Variants in PUDP observed in about 807,000 individuals in gnomAD.
The protein encoded by PUDP is pseudouridine-5'-phosphatase.
PUDP carries 8 observed loss-of-function variants against 9.4 expected under a neutral mutation model. That is an observed-to-expected ratio of 0.85 (90% confidence interval 0.50 to 1.53). The LOEUF is 1.53. Among genes scored for constraint, PUDP ranks in the 40% most tolerant of loss-of-function variants. The probability of loss-of-function intolerance (pLI) is 0.00; values close to 1 mark genes in which losing one functional copy is unlikely to be tolerated. For missense variants in PUDP, 188 were observed against 189.7 expected (o/e 0.99, Z 0.05); for synonymous variants, 99 against 80.7 (o/e 1.23, Z -1.22).
chrX:6,769,959 C>T (rs1925338553), intron 3 of PUDP, among the ~76,000 whole-genome samples: 2 of 112,360 alleles, frequency 1.8e-5, no homozygotes, highest in African/African-American at 6.5e-5. Flanking sequence ...TCTGCAAAGC[C>T]CTACAGTCTG....
chrX:7,072,066 C>T (rs976136728), intron 3 of PUDP, among the ~76,000 whole-genome samples: 5 of 111,974 alleles, frequency 4.5e-5, no homozygotes, highest in African/African-American at 1.6e-4. Flanking sequence ...GCTGGGATTA[C>T]AGGCATGAAC....
chrX:6,761,955 T>C (rs1346692945), intron 3 of PUDP, among the ~76,000 whole-genome samples: 3 of 111,759 alleles, frequency 2.7e-5, no homozygotes, highest in Non-Finnish European at 5.6e-5. Context: ...TGTGGGAGGC[T>C]GAGAAGGGTG....
intron 3 of PUDP, among the ~76,000 whole-genome samples, chrX:6,874,958 T>C (rs1014778977): frequency 1.8e-5 from 2 of 112,537 alleles, no homozygotes; most frequent in Non-Finnish European, 1.9e-5. Context: ...AAGAAATGTA[T>C]GTGGTTTTAA....
At chrX:6,971,868 G>C (rs1258464111) in intron 3 of PUDP, among the ~76,000 whole-genome samples, 1 of 111,813 alleles carries the variant, frequency 8.9e-6, no homozygotes, top group African/African-American at 3.3e-5. Context: ...TTTTCCATTT[G>C]TTTGTGTCCT....
intron 3 of PUDP, among the ~76,000 whole-genome samples, chrX:6,976,581 T>C (rs1388157039): frequency 8.9e-6 from 1 of 111,868 alleles, no homozygotes; most frequent in Non-Finnish European, 1.9e-5. Flanking sequence ...CAATTGGAAA[T>C]GCAGAAATCA....
intron 1 of PUDP, among the ~76,000 whole-genome samples, chrX:7,108,103 G>A (rs1386627645): frequency 8.9e-6 from 1 of 112,661 alleles, no homozygotes; most frequent in East Asian, 2.8e-4. Flanking sequence ...AATGAACCAA[G>A]GGCAGAGTGC....
At chrX:6,990,832 G>T (rs1412878542) in intron 1 of PUDP, among the ~76,000 whole-genome samples, 1 of 112,752 alleles carries the variant, frequency 8.9e-6, no homozygotes, top group Admixed American at 9.4e-5. Flanking sequence ...TGGAGAGAGG[G>T]TGTGTGAGGT....
chrX:6,798,794 A>AT (rs35551768), intron 3 of PUDP, among the ~76,000 whole-genome samples: 2 of 109,958 alleles, frequency 1.8e-5, no homozygotes, highest in East Asian at 5.7e-4. Context: ...TCCAAATGAT[A>AT]TTTTTTTTAA....
chrX:6,938,825 G>A (rs1446796078), intron 3 of PUDP, among the ~76,000 whole-genome samples: 1 of 96,469 alleles, frequency 1.0e-5, no homozygotes, highest in African/African-American at 4.0e-5. Context: ...CCTGGCAGAA[G>A]CTAAGAGGTA....
intron 3 of PUDP, among the ~76,000 whole-genome samples, chrX:6,963,984 C>T (rs1602692822): frequency 8.9e-6 from 1 of 111,969 alleles, no homozygotes; most frequent in South Asian, 3.7e-4. Flanking sequence ...AAGAAGAATG[C>T]GATTGTTCAA....
chrX:7,059,998 A>G (rs1474888469), intron 3 of PUDP, among the ~76,000 whole-genome samples: 3 of 111,959 alleles, frequency 2.7e-5, no homozygotes, highest in Non-Finnish European at 3.8e-5. Context: ...TGATTAAATG[A>G]GCTGGTGGAT....
At chrX:6,901,067 C>T (rs745667483) in intron 3 of PUDP, among the ~76,000 whole-genome samples, 4 of 111,513 alleles carry the variant, frequency 3.6e-5, no homozygotes, top group African/African-American at 6.5e-5. Flanking sequence ...TGAGCCACTG[C>T]GCCCGGCCGA....
intron 3 of PUDP, among the ~76,000 whole-genome samples, chrX:6,764,276 G>A (rs766455451): frequency 3.7e-4 from 41 of 111,382 alleles, no homozygotes; most frequent in Non-Finnish European, 6.6e-4. Context: ...TTGGCAGCCC[G>A]GGTTATAAAG....
intron 1 of PUDP, among the ~76,000 whole-genome samples, chrX:7,031,715 T>C (rs1929795262): frequency 8.9e-6 from 1 of 112,306 alleles, no homozygotes; most frequent in Admixed American, 9.4e-5. Context: ...TTTCAACACA[T>C]GGAATTGGAA....
chrX:6,916,391 T>C (rs12845563), intron 3 of PUDP, among the ~76,000 whole-genome samples: 1 of 96,045 alleles, frequency 1.0e-5, no homozygotes, highest in African/African-American at 3.7e-5. Flanking sequence ...TTTTCCTTCC[T>C]TTCTTTTCTT....
intron 1 of PUDP, among the ~76,000 whole-genome samples, chrX:7,039,521 C>T (rs1353252748): frequency 3.6e-5 from 4 of 111,261 alleles, no homozygotes; most frequent in Non-Finnish European, 7.5e-5. Context: ...GGTTTCCTTA[C>T]AAGAAGAGGA....
intron 3 of PUDP, among the ~76,000 whole-genome samples, chrX:6,937,778 AT>A (rs1177733916): frequency 8.5e-5 from 6 of 70,729 alleles, no homozygotes; most frequent in African/African-American, 3.4e-4. Context: ...ACTCAAACAA[AT>A]TTACAAGAAA....
downstream of PUDP, among the ~76,000 whole-genome samples, chrX:7,046,084 T>C (rs1487527672): frequency 8.9e-6 from 1 of 112,346 alleles, no homozygotes; most frequent in African/African-American, 3.2e-5. Context: ...AGAAGAATGA[T>C]AATTAAAATT....
chrX:7,126,032 T>C (rs1263990617), intron 1 of PUDP, among the ~76,000 whole-genome samples: 2 of 111,210 alleles, frequency 1.8e-5, no homozygotes, highest in East Asian at 5.6e-4. Context: ...TATGCATATA[T>C]ATGAAGATAA....
Sources: gnomAD v4.1 joint callset for allele counts (sites outside exome capture counted in the v4.1 genomes callset) on GRCh38, gnomAD v4.1.1 for gene constraint, MANE v1.5 for transcripts, NCBI Gene and HGNC (gene_info 2026-07-23, HGNC 2026-07-21) for gene names.